Variants in HERC2 observed in about 807,000 individuals in gnomAD.
The protein encoded by HERC2 is HECT and RLD domain containing E3 ubiquitin protein ligase 2.
In HERC2, 102 loss-of-function variants were observed where a neutral mutation model predicts 537.7. The observed-to-expected ratio is 0.19, with a 90% confidence interval of 0.16 to 0.22. The LOEUF (loss-of-function observed/expected upper bound fraction) is 0.22, where lower values mean the gene tolerates loss of function less well. HERC2 is among the 10% of genes least tolerant of loss of function. The pLI, the probability that HERC2 is intolerant of heterozygous loss-of-function variation, is 1.00. For missense variants in HERC2, 4,236 were observed against 6,198.2 expected (o/e 0.68, Z 10.63); for synonymous variants, 2,224 against 2,466.2 (o/e 0.90, Z 2.91).
intron 2 of HERC2, among the ~76,000 whole-genome samples, chr15:28,301,749 A>G (rs1364816416): frequency 0.012 from 1,101 of 94,462 alleles, 48 homozygotes; most frequent in African/African-American, 0.029. Flanking sequence ...ATATATATAT[A>G]TATATATATA....
chr15:28,136,553 T>C (rs1018054516), intron 78 of HERC2, among the ~76,000 whole-genome samples: 2 of 152,252 alleles, frequency 1.3e-5, no homozygotes, highest in African/African-American at 2.4e-5. Flanking sequence ...CACAGAAAGC[T>C]GCCCTTCCCA....
chr15:28,150,013 A>C (rs1385306212), intron 70 of HERC2, among the ~76,000 whole-genome samples: 1 of 152,160 alleles, frequency 6.6e-6, no homozygotes, highest in African/African-American at 2.4e-5. Context: ...CACACATTCT[A>C]GTAAAATTAC....
chr15:28,154,503 G>A (rs1220105170), intron 69 of HERC2, among the ~76,000 whole-genome samples: 4 of 152,150 alleles, frequency 2.6e-5, no homozygotes, highest in Non-Finnish European at 4.4e-5. Context: ...ATCATCAAGC[G>A]CCCATGTGCA....
At chr15:28,295,642 C>T (rs1401619770) in intron 3 of HERC2, among the ~76,000 whole-genome samples, 1 of 152,118 alleles carries the variant, frequency 6.6e-6, no homozygotes, top group Non-Finnish European at 1.5e-5. Flanking sequence ...AGGTGATCCG[C>T]CTGCCTCGGC....
intron 2 of HERC2, among the ~76,000 whole-genome samples, chr15:28,314,408 G>A (rs111964648): frequency 3.5e-4 from 53 of 152,262 alleles, no homozygotes; most frequent in African/African-American, 1.2e-3. Context: ...ATGAAGCAAC[G>A]GTATGCAGTA....
At chr15:28,240,054 GT>G (rs202042453) in intron 23 of HERC2, among the ~76,000 whole-genome samples, 34,136 of 151,416 alleles carry the variant, frequency 0.23, 7,676 homozygotes, top group African/African-American at 0.57. Flanking sequence ...ATATTGTAGG[GT>G]TTTTTTTTAA....
chr15:28,269,354 C>G lies in HERC2; in HGVS notation c.1340G>C (p.Gly447Ala). 1 of 1,614,196 alleles carries G rather than the reference C, an allele frequency of 6.2e-7. No individual in the cohort carries two copies. The highest frequency in any genetic ancestry group is 2.2e-5 in the East Asian group (1 of 44,870). Residue 447 changes from glycine to alanine, a missense_variant, in exon 11 of 93, where the codon GGC (glycine) becomes GCC (alanine). Transcript: ENST00000261609. ...CTGTGTGACTCCCAGGTTGGCCAGG[C>G]CTTCGCACTGGATTGGACCAATCAC... ...ANVIGPIQCE[G>A]LANLGVTQIA... is the part of the protein sequence containing the mutation.
At chr15:28,124,839 C>G (rs1889301757) in intron 84 of HERC2, among the ~76,000 whole-genome samples, 167 bp downstream of exon 84, 1 of 152,248 alleles carries the variant, frequency 6.6e-6, no homozygotes, top group African/African-American at 2.4e-5. Context: ...TGTGAGCCAC[C>G]ACAACCAGCC....
chr15:28,174,680 G>A (rs1477699434), intron 64 of HERC2, 60 bp from the exon 65 acceptor site: 14 of 1,251,984 alleles, frequency 1.1e-5, no homozygotes, highest in Non-Finnish European at 1.5e-5. Flanking sequence ...TTTCTTTAAT[G>A]TAATTTTTAC....
chr15:28,172,953 A>G (rs1894837704), intron 65 of HERC2, among the ~76,000 whole-genome samples: 1 of 152,254 alleles, frequency 6.6e-6, no homozygotes, highest in Non-Finnish European at 1.5e-5. Context: ...AAAGACTTGA[A>G]CAGACATTCA....
At chr15:28,184,705 CA>C (rs1430024552) in intron 56 of HERC2, among the ~76,000 whole-genome samples, 1 of 151,126 alleles carries the variant, frequency 6.6e-6, no homozygotes, top group Non-Finnish European at 1.5e-5. Flanking sequence ...ACTAAAAATA[CA>C]AAAAAATTAG....
At chr15:28,228,160 G>T (rs1275390771) in intron 35 of HERC2, 58 bp downstream of exon 35, 91 of 1,330,066 alleles carry the variant, frequency 6.8e-5, no homozygotes, top group Non-Finnish European at 8.8e-5. Flanking sequence ...GAAAAGAAAA[G>T]AAATCAAAGC....
At chr15:28,310,213 A>C (rs906665923) in intron 2 of HERC2, among the ~76,000 whole-genome samples, 1 of 152,214 alleles carries the variant, frequency 6.6e-6, no homozygotes, top group African/African-American at 2.4e-5. Context: ...TGGGAGGCCA[A>C]GGCAGGTGAA....
intron 2 of HERC2, among the ~76,000 whole-genome samples, chr15:28,307,993 A>G (rs964563399): frequency 1.3e-5 from 2 of 151,584 alleles, no homozygotes; most frequent in African/African-American, 4.8e-5. Context: ...TGATTCCTCC[A>G]GTTTGTTTCT....
At chr15:28,307,495 CCT>C (rs1425559771) in intron 2 of HERC2, among the ~76,000 whole-genome samples, 4 of 152,040 alleles carry the variant, frequency 2.6e-5, no homozygotes, top group African/African-American at 9.7e-5. Context: ...TTTTGATTTT[CCT>C]CTTAGTACTG....
Position 28,146,217 on chromosome 15 carries a change from G to A in HERC2, c.11008+20C>T, listed in dbSNP as rs777644045. On this transcript the variant is annotated intron_variant, in intron 71 of 92. Coordinates refer to ENST00000261609, the MANE Select transcript of HERC2 (RefSeq NM_004667.6). Reference sequence around the variant, plus strand: ...GACACAGGTGGGTAGATCATGCCCTGCTCAACCTCCTGTCCTTACCTGACC... The same window carrying A: ...GACACAGGTGGGTAGATCATGCCCTACTCAACCTCCTGTCCTTACCTGACC... The A allele has an allele frequency of 6.4e-7, 1 of 1,566,066 alleles. No homozygotes were observed. The highest frequency in any genetic ancestry group is 2.2e-5 in the East Asian group (1 of 44,634).
At chr15:28,145,602 G>A (rs565667516) in intron 71 of HERC2, among the ~76,000 whole-genome samples, 94 of 152,264 alleles carry the variant, frequency 6.2e-4, no homozygotes, top group African/African-American at 2.1e-3. Flanking sequence ...ACACAGCCAC[G>A]CCCATTCTCT....
At position 28,177,552 on chromosome 15, in the gene HERC2, C is replaced by T; in HGVS notation, c.9164-43G>A. ...ACACGGATTGCCAAAGGGCAGGGAA[C>T]AGAAAGCCCACAGCATAGCTAGCTC... On this transcript the variant is annotated intron_variant, in intron 59 of 92. Transcript: ENST00000261609. This position sits in a 1 kb window ranked among gnomAD's most constrained non-coding sequence, Gnocchi z 5.0. The T allele has an allele frequency of 2.5e-6, 4 of 1,577,298 alleles. No individual in the cohort carries two copies. Among genetic ancestry groups the T allele is most frequent in the Non-Finnish European group, 3.5e-6 (4 of 1,146,740 alleles).
At chr15:28,137,002 CA>C (rs553476225) in intron 78 of HERC2, among the ~76,000 whole-genome samples, 45 of 141,262 alleles carry the variant, frequency 3.2e-4, no homozygotes, top group East Asian at 2.1e-3. Flanking sequence ...TTAGCTAACT[CA>C]AAAAAAAAAA....
Sources: gnomAD v4.1 joint callset for allele counts (sites outside exome capture counted in the v4.1 genomes callset) on GRCh38, gnomAD v4.1.1 for gene constraint, Gnocchi (gnomAD v3.1) non-coding constraint, MANE v1.5 for transcripts, NCBI Gene and HGNC (gene_info 2026-07-23, HGNC 2026-07-21) for gene names.